The following MICOS10 variants were observed in gnomAD, a reference collection of about 807,000 sequenced individuals.
MICOS10 encodes MICOS complex subunit MIC10.
In MICOS10, 5 loss-of-function variants were observed where a neutral mutation model predicts 13.4. The ratio of observed to expected loss-of-function variants is 0.37; its 90% CI spans 0.20 to 0.78. MICOS10 has a LOEUF of 0.78. Ranked by LOEUF, MICOS10 falls within the 30% of genes least tolerant of loss-of-function variation. MICOS10 has a pLI of 0.47. For synonymous variants in MICOS10, 35 were observed against 33.6 expected, an observed-to-expected ratio of 1.04 and a Z score of -0.15; for missense variants, 101 against 94.6, an observed-to-expected ratio of 1.07 and a Z score of -0.28.
rs2094926551 is a variant in MICOS10 at position 19,627,750 on chromosome 1, G to C, written c.*1349G>C. Reference sequence around the variant, plus strand: ...TGTAGGGGCAGGGGAAAGGCATGGAGGGGGAGGCTGGGCAATAGGGTACAA... The same window carrying C: ...TGTAGGGGCAGGGGAAAGGCATGGACGGGGAGGCTGGGCAATAGGGTACAA... On this transcript the variant is annotated 3_prime_UTR_variant, in exon 4 of 4. Coordinates refer to ENST00000322753, the MANE Select transcript of MICOS10 (RefSeq NM_001032363.4). The C allele has an allele frequency of 6.6e-6, 1 of 152,442 alleles. No individual in the cohort carries two copies. The highest frequency in any genetic ancestry group is 2.4e-5 in the African/African-American group (1 of 41,444). The allele number at this position is 152,442 out of a possible 1,614,324, so 9.4% of individuals were successfully genotyped here. A position where few individuals can be genotyped will look rare whatever the true frequency, so the allele number is the denominator to read the frequency against.
intron 2 of MICOS10, 50 bp from the exon 3 acceptor site, chr1:19,623,424 A>C: frequency 8.6e-7 from 1 of 1,166,140 alleles, no homozygotes; most frequent in East Asian, 2.3e-5. Context: ...GGGGAGCTTT[A>C]TCTTCTCTTA....
intron 1 of MICOS10, among the ~76,000 whole-genome samples, chr1:19,612,532 G>A (rs2094867716): frequency 6.6e-6 from 1 of 151,902 alleles, no homozygotes; most frequent in Admixed American, 6.6e-5. Flanking sequence ...AGACCAGCCT[G>A]GCCAACGTGG....
intron 1 of MICOS10, among the ~76,000 whole-genome samples, chr1:19,615,777 C>T (rs1328264864): frequency 6.6e-6 from 1 of 150,510 alleles, no homozygotes; most frequent in Admixed American, 6.6e-5. Context: ...AGAATAAACA[C>T]TCTATACTGG....
At chr1:19,612,065 C>T (rs1212512898) in intron 1 of MICOS10, among the ~76,000 whole-genome samples, 4 of 149,816 alleles carry the variant, frequency 2.7e-5, no homozygotes, top group African/African-American at 7.4e-5. Flanking sequence ...TTATTTGAGA[C>T]GGAGTCTCAC....
intron 1 of MICOS10, among the ~76,000 whole-genome samples, chr1:19,600,319 G>A (rs1158663626): frequency 4.0e-5 from 6 of 149,074 alleles, no homozygotes; most frequent in South Asian, 4.3e-4. Flanking sequence ...GAGAGAGGGC[G>A]GAAGAGAGAA....
intron 1 of MICOS10, among the ~76,000 whole-genome samples, chr1:19,610,367 CTTTTTTTTTTTTTTTT>C (rs773668659): frequency 1.7e-4 from 2 of 11,924 alleles, no homozygotes; most frequent in Non-Finnish European, 3.1e-4. Context: ...CACCCCCCGG[CTTTTTTTTTTTTTTTT>C]TTTTTTTTTT....
chr1:19,610,134 C>G (rs1027052955), intron 1 of MICOS10, among the ~76,000 whole-genome samples: 85 of 151,906 alleles, frequency 5.6e-4, no homozygotes, highest in African/African-American at 1.9e-3. Flanking sequence ...GAGTGAGACT[C>G]CATTTCAAAA....
In MICOS10 at chr1:19,609,175, T is replaced by A. The variant is rs76376358; in HGVS notation, c.64+12066T>A. Among the ~76,000 whole-genome samples, 1,245 of 150,184 alleles carry A rather than the reference T, an allele frequency of 8.3e-3. 14 individuals are homozygous for A. Among genetic ancestry groups the A allele is most frequent in the African/African-American group, 0.028 (1,162 of 40,986 alleles). Reference sequence around the variant, plus strand: ...CCGCATCAGGCTAATTAAAAAAAAATTTTTTTTTTAATCATAGGAAGACAA... The same window carrying A: ...CCGCATCAGGCTAATTAAAAAAAAAATTTTTTTTTAATCATAGGAAGACAA... On this transcript the variant is annotated intron_variant, in intron 1 of 3. Coordinates refer to ENST00000322753, the MANE Select transcript of MICOS10 (RefSeq NM_001032363.4).
chr1:19,625,046 C>A lies in MICOS10; in HGVS notation c.223-1341C>A, dbSNP rs998277188. Among the ~76,000 whole-genome samples the A allele has an allele frequency of 1.8e-4, 27 of 152,174 alleles. 1 individual carries two copies. The highest frequency in any genetic ancestry group is 2.9e-4 in the Non-Finnish European group (20 of 68,030). On this transcript the variant is annotated intron_variant, in intron 3 of 3. Transcript: ENST00000322753. The stretch of plus-strand genomic sequence containing the variant: ...GCACAGAAGCCAGGAGACCTAGGTG[C>A]AAGCCTGTCACTTGCTTCCTGTGTG...
At chr1:19,600,056 A>G (rs756951164) in intron 1 of MICOS10, among the ~76,000 whole-genome samples, 1 of 152,098 alleles carries the variant, frequency 6.6e-6, no homozygotes, top group Non-Finnish European at 1.5e-5. Flanking sequence ...CAGGGAATTG[A>G]CGTAATATAT....
chr1:19,616,073 C>T (rs376563898), intron 1 of MICOS10, among the ~76,000 whole-genome samples: 248 of 152,164 alleles, frequency 1.6e-3, no homozygotes, highest in African/African-American at 5.5e-3. Context: ...CGCGTGCCAC[C>T]GCCCAGCTAA....
At chr1:19,624,434 G>A (rs746320576) in intron 3 of MICOS10, among the ~76,000 whole-genome samples, 1 of 151,872 alleles carries the variant, frequency 6.6e-6, no homozygotes, top group Non-Finnish European at 1.5e-5. Flanking sequence ...TTACAGGCAC[G>A]AGCCACTCAC....
chr1:19,622,642 G>A (rs2094907756), intron 2 of MICOS10, among the ~76,000 whole-genome samples: 1 of 152,168 alleles, frequency 6.6e-6, no homozygotes, highest in Non-Finnish European at 1.5e-5. Flanking sequence ...ATGCCAGAGG[G>A]ATCCTTTTGA....
chr1:19,597,536 C>A (rs926394903), intron 1 of MICOS10, among the ~76,000 whole-genome samples: 3 of 152,206 alleles, frequency 2.0e-5, no homozygotes, highest in African/African-American at 4.8e-5. Flanking sequence ...TGGAGAAGGT[C>A]ACCTGGAGCA....
chr1:19,619,366 G>A (rs759893939), intron 1 of MICOS10, among the ~76,000 whole-genome samples: 1 of 152,214 alleles, frequency 6.6e-6, no homozygotes, highest in Non-Finnish European at 1.5e-5. Context: ...ATGATCTGTG[G>A]CATGGTGAGA....
intron 1 of MICOS10, among the ~76,000 whole-genome samples, chr1:19,606,217 T>C (rs2094834165): frequency 6.6e-6 from 1 of 152,130 alleles, no homozygotes; most frequent in African/African-American, 2.4e-5. Flanking sequence ...AAATGCAGGC[T>C]CAGGAGTGGG....
At chr1:19,597,616 T>C (rs890682711) in intron 1 of MICOS10, among the ~76,000 whole-genome samples, 1 of 152,156 alleles carries the variant, frequency 6.6e-6, no homozygotes, top group Non-Finnish European at 1.5e-5. Flanking sequence ...TTTATTTGAA[T>C]CAGAGTAGTC....
At chr1:19,611,935 G>C (rs1382870529) in intron 1 of MICOS10, among the ~76,000 whole-genome samples, 2 of 135,720 alleles carry the variant, frequency 1.5e-5, no homozygotes, top group Non-Finnish European at 3.0e-5. Context: ...TCGCGCCAGT[G>C]TATTGTAGTC....
chr1:19,623,723 G>C, intron 3 of MICOS10, 140 bp downstream of exon 3: 1 of 621,542 alleles, frequency 1.6e-6, no homozygotes, highest in Non-Finnish European at 2.8e-6. Flanking sequence ...TTGCTCTTTG[G>C]CCTTCAGTGA....
Sources: allele counts gnomAD v4.1 joint callset (sites outside exome capture counted in the v4.1 genomes callset), GRCh38; gene constraint gnomAD v4.1.1; transcripts MANE v1.5; gene names NCBI Gene and HGNC (gene_info 2026-07-23, HGNC 2026-07-21).